Variants in RPS6 observed in about 807,000 individuals in gnomAD.
The protein encoded by RPS6 is small ribosomal subunit protein eS6.
A neutral mutation model predicts 27.1 loss-of-function variants in RPS6; 1 was observed. The ratio of observed to expected loss-of-function variants is 0.04; its 90% confidence interval spans 0.01 to 0.18. The LOEUF (loss-of-function observed/expected upper bound fraction) is 0.18, where lower values mean the gene tolerates loss of function less well. RPS6 is among the 10% of genes least tolerant of loss of function. The pLI, the probability that RPS6 is intolerant of heterozygous loss-of-function variation, is 1.00. For missense variants in RPS6, 259 were observed against 319.1 expected, an observed-to-expected ratio of 0.81 and a Z score of 1.44; for synonymous variants, 152 against 106.0, an observed-to-expected ratio of 1.43 and a Z score of -2.66.
At chr9:19,379,427 G>C in intron 2 of RPS6, 60 bp downstream of exon 2, 2 of 1,605,292 alleles carry the variant, frequency 1.2e-6, no homozygotes, top group South Asian at 1.1e-5. Flanking sequence ...CCAAATACCA[G>C]TTACCAATGG....
At chr9:19,379,023 A>T in intron 2 of RPS6, 105 bp from the exon 3 acceptor site, 2 of 1,137,536 alleles carry the variant, frequency 1.8e-6, no homozygotes, top group South Asian at 3.1e-5. Flanking sequence ...AAGTATAATT[A>T]TGAAAACCAA....
At position 19,376,551 on chromosome 9, in the gene RPS6, G is replaced by T. The variant is rs534400618; in HGVS notation, c.597C>A (p.Thr199=). 55 of 1,613,862 alleles carry T rather than the reference G, an allele frequency of 3.4e-5. 1 individual carries two copies. In the South Asian group the frequency reaches 5.3e-4, roughly 15 times the overall value. The change falls in exon 5 of 6, where the codon ACC becomes ACA. Residue 199 remains threonine (T), a synonymous_variant. Coordinates refer to ENST00000380394, the MANE Select transcript of RPS6 (RefSeq NM_001010.3). ...CTGCAGCCTCTTCTTTATTTTTCTT[G>T]GTACGCTGCTTCTTCAGAGCAATAC... is the stretch of plus-strand genomic sequence containing the variant. ...RRRIALKKQR[T]KKNKEEAAEY...
intron 1 of RPS6, 129 bp from the exon 2 acceptor site, chr9:19,379,747 G>A: frequency 4.7e-6 from 7 of 1,500,716 alleles, no homozygotes; most frequent in East Asian, 4.6e-5. Context: ...AATATAAGAT[G>A]CCGACTGTAC....
rs1829594596 is a variant in RPS6, at chr9:19,376,731, CG to C, written c.497-81del. The C allele has an allele frequency of 2.8e-6, 4 of 1,406,194 alleles. No homozygotes were observed. In the Admixed American group the frequency reaches 8.9e-5, roughly 31 times the overall value. The allele number at this position is 1,406,194 out of a possible 1,614,324, so 87.1% of individuals were successfully genotyped here. ...CTACTTTAAAAACATCAGAAATAAA[CG>C]TAAGCTTAACAGCATCTATGAAAAC... On this transcript the variant is annotated intron_variant, in intron 4 of 5. Transcript: ENST00000380394.
chr9:19,380,180 C>G lies in RPS6; in HGVS notation c.6+10G>C, dbSNP rs758686587. 2 of 1,614,076 alleles carry G rather than the reference C, an allele frequency of 1.2e-6. No homozygotes were observed. The highest frequency in any genetic ancestry group is 1.3e-5 in the African/African-American group (1 of 74,932). ...CCAAACCCAGTCTAACACTCGCCAC[C>G]ATCACCTACCTTCATCTTGAAGCAG... On this transcript the variant is annotated intron_variant, in intron 1 of 5. Transcript: ENST00000380394.
At chr9:19,376,784 C>G in intron 4 of RPS6, 133 bp from the exon 5 acceptor site, 4 of 752,838 alleles carry the variant, frequency 5.3e-6, no homozygotes, top group Non-Finnish European at 6.0e-6. Flanking sequence ...AAAATCAAAT[C>G]AGAACTATTC....
Position 19,376,477 on chromosome 9 carries a change from A to T in RPS6, c.654+17T>A, listed in dbSNP as rs1829590345. On this transcript the variant is annotated intron_variant, in intron 5 of 5. Coordinates refer to ENST00000380394, the MANE Select transcript of RPS6 (RefSeq NM_001010.3). ...AGGTCGAACTCCTCCCACCCCCTCA[A>T]ATCATCTTAGACTAACCTTCATTCT... 1 of 1,613,258 alleles carries T rather than the reference A, an allele frequency of 6.2e-7. No homozygotes were observed. The highest frequency in any genetic ancestry group is 2.2e-5 in the East Asian group (1 of 44,850).
At chr9:19,379,845 TG>T in intron 1 of RPS6, 1 of 1,426,506 alleles carries the variant, frequency 7.0e-7, no homozygotes, top group East Asian at 2.5e-5. Flanking sequence ...GGAATGACTC[TG>T]GGGGCGAGGG....
chr9:19,378,304 T>C (rs536252300), intron 4 of RPS6, 64 bp downstream of exon 4: 11 of 1,511,314 alleles, frequency 7.3e-6, no homozygotes, highest in African/African-American at 6.9e-5. Context: ...TCTTCTGATA[T>C]GCACACAAAA....
At position 19,376,331 on chromosome 9, in the gene RPS6, G is replaced by A. The variant is rs780806374; in HGVS notation, c.712C>T (p.Arg238Ter). 1 of 1,614,012 alleles carries A rather than the reference G, an allele frequency of 6.2e-7. No homozygotes were observed. The highest frequency in any genetic ancestry group is 8.5e-7 in the Non-Finnish European group (1 of 1,179,982). The change falls in exon 6 of 6, where the codon CGA becomes TGA. Residue 238 changes from arginine to a stop codon, truncating the protein, a stop_gained. Coordinates refer to ENST00000380394, the MANE Select transcript of RPS6 (RefSeq NM_001010.3). LOFTEE classifies it high-confidence loss of function. ...GATTCAGACTTAGAAGTAGAAGCTC[G>A]CAGAGAGGAAAGTCTGCGTCTCTTC... ...IAKRRRLSSL[R>*]ASTSKSESSQ...
At chr9:19,380,160 C>A (rs371399724) in intron 1 of RPS6, 30 bp downstream of exon 1, 36 of 1,614,014 alleles carry the variant, frequency 2.2e-5, no homozygotes, top group Non-Finnish European at 3.0e-5. Context: ...GTTCCCCAAA[C>A]CCAGTCTAAC....
chr9:19,377,141 CA>C (rs946705122), intron 4 of RPS6, among the ~76,000 whole-genome samples: 2 of 152,160 alleles, frequency 1.3e-5, no homozygotes, highest in African/African-American at 4.8e-5. Flanking sequence ...ATCTGTACTC[CA>C]AAACTGCTCA....
At position 19,379,233 on chromosome 9, in the gene RPS6, A is replaced by G. The variant is rs574583343; in HGVS notation, c.138+254T>C. On this transcript the variant is annotated intron_variant, in intron 2 of 5. Transcript: ENST00000380394. ...TTGGCACTTTGGGGATTATGAGGAC[A>G]GCTATGTGACATATTGCCAAATGCA... 20 of 1,312,212 alleles carry G rather than the reference A, an allele frequency of 1.5e-5. No individual in the cohort carries two copies. The African/African-American group carries it at 2.7e-4, about 18-fold the overall frequency. 81.3% of individuals were successfully genotyped at this position (1,312,212 alleles called of 1,614,324 possible). A position where few individuals can be genotyped will look rare whatever the true frequency, so the allele number is the denominator to read the frequency against.
intron 3 of RPS6, 45 bp downstream of exon 3, chr9:19,378,663 G>C: frequency 1.2e-6 from 2 of 1,601,480 alleles, no homozygotes; most frequent in Non-Finnish European, 1.7e-6. Context: ...TGGACAACTG[G>C]CTTTAAATCA....
At chr9:19,378,631 A>G in intron 3 of RPS6, 77 bp downstream of exon 3, 2 of 1,575,464 alleles carry the variant, frequency 1.3e-6, no homozygotes, top group Non-Finnish European at 1.7e-6. Flanking sequence ...GTAAGTCTGG[A>G]TACTGCAAAT....
Position 19,376,371 on chromosome 9 carries a change from G to C in RPS6, c.672C>G (p.Arg224=), listed in dbSNP as rs3209385. The C allele has an allele frequency of 5.6e-6, 9 of 1,614,046 alleles. No homozygotes were observed. In the South Asian group the frequency reaches 7.7e-5, roughly 14 times the overall value. ...TGCGTCTCTTCGCAATTTGTTCCTGGCGCTTCTCCTTAGCCTCCTAAACAA... is the reference window on the plus strand; with the variant it reads ...TGCGTCTCTTCGCAATTTGTTCCTGCCGCTTCTCCTTAGCCTCCTAAACAA... ...AKRMKEAKEK[R]QEQIAKRRRL... is the part of the protein sequence containing the mutation. Residue 224 remains arginine (R), a synonymous_variant, in exon 6 of 6, where the codon CGC becomes CGG. Coordinates refer to ENST00000380394, the MANE Select transcript of RPS6 (RefSeq NM_001010.3).
rs1829592561 is a variant in RPS6 at position 19,376,610 on chromosome 9, C to G, written c.538G>C (p.Val180Leu). 1.9e-6 allele frequency: 3 copies of G among 1,614,148 alleles called. No individual in the cohort carries two copies. In the East Asian group the frequency reaches 6.7e-5, roughly 36 times the overall value. Reference protein sequence around the residue: ...RTKAPKIQRLVTPRVLQHKRR... With the variant: ...RTKAPKIQRLLTPRVLQHKRR... Reference sequence around the variant, plus strand: ...TTGTGCTGCAGGACACGTGGAGTAACAAGACGCTGAATCTTGGGTGCTTTG... The same window carrying G: ...TTGTGCTGCAGGACACGTGGAGTAAGAAGACGCTGAATCTTGGGTGCTTTG... The change falls in exon 5 of 6, where the codon GTT (valine) becomes CTT (leucine). Residue 180 changes from valine (V) to leucine (L), a missense_variant. Physicochemically the swap from Val to Leu is conservative, Grantham distance 32. Transcript: ENST00000380394.
chr9:19,376,939 T>C (rs1248510254), intron 4 of RPS6: 4 of 265,790 alleles, frequency 1.5e-5, no homozygotes, highest in Admixed American at 9.6e-5. Flanking sequence ...TATGTTAATA[T>C]ATAACTGTGC....
chr9:19,380,140 C>T, intron 1 of RPS6, 50 bp downstream of exon 1: 2 of 1,614,160 alleles, frequency 1.2e-6, no homozygotes, highest in Non-Finnish European at 1.7e-6. Context: ...CGTTCTGGGA[C>T]TCGATTCACG....
Sources: gnomAD v4.1 joint callset for allele counts (sites outside exome capture counted in the v4.1 genomes callset) on GRCh38, gnomAD v4.1.1 for gene constraint, MANE v1.5 for transcripts, NCBI Gene and HGNC (gene_info 2026-07-23, HGNC 2026-07-21) for gene names.